Variants in VPS13B observed in about 807,000 individuals in gnomAD.
VPS13B encodes the protein intermembrane lipid transfer protein VPS13B.
Under a neutral mutation model 426.4 loss-of-function variants are expected in VPS13B, and 285 were observed. The observed-to-expected ratio is 0.67, with a 90% CI of 0.61 to 0.74. VPS13B has a LOEUF of 0.74. Ranked by LOEUF, VPS13B falls within the 30% of genes least tolerant of loss-of-function variation. VPS13B has a pLI of 0.00. For missense variants in VPS13B, 4,537 were observed against 4,782.6 expected (o/e 0.95, Z 1.51); for synonymous variants, 1,676 against 1,676.4 (o/e 1.00, Z 0.01).
At chr8:99,131,907 T>C (rs1809823176) in intron 8 of VPS13B, among the ~76,000 whole-genome samples, 2 of 151,924 alleles carry the variant, frequency 1.3e-5, no homozygotes, top group Non-Finnish European at 2.9e-5. Flanking sequence ...AGTAGGACTA[T>C]TTTTTTTGAG....
chr8:99,373,504 G>A (rs1813307354), intron 19 of VPS13B, among the ~76,000 whole-genome samples: 1 of 152,044 alleles, frequency 6.6e-6, no homozygotes, highest in African/African-American at 2.4e-5. Flanking sequence ...CTTCCTGGTG[G>A]ATTCTGTGAC....
chr8:99,155,476 G>C (rs768792906), intron 14 of VPS13B, among the ~76,000 whole-genome samples: 3 of 152,154 alleles, frequency 2.0e-5, no homozygotes, highest in Non-Finnish European at 4.4e-5. Context: ...CAGATGGGTG[G>C]TGGTTACAGA....
At chr8:99,511,823 A>G (rs971891261) in intron 29 of VPS13B, among the ~76,000 whole-genome samples, 2 of 152,168 alleles carry the variant, frequency 1.3e-5, no homozygotes, top group Non-Finnish European at 2.9e-5. Flanking sequence ...TGTTCTGTGT[A>G]TCTAAGAGAA....
rs763259028 is a variant in VPS13B at position 99,096,379 on chromosome 8, T to A, written c.359T>A (p.Ile120Asn). The change falls in exon 4 of 62, where the codon ATC becomes AAC. Residue 120 changes from isoleucine (I) to asparagine (N), a missense_variant. Ile to Asn is a moderately radical substitution (Grantham distance 149). Around this residue, in one of 2 missense-constraint regions of VPS13B, gnomAD observed 226 missense variants for 308.3 expected, o/e 0.73. Coordinates refer to ENST00000357162, the MANE Select transcript of VPS13B (RefSeq NM_152564.5). Reference sequence around the variant, plus strand: ...ACTGCTGAGAGCACAAAATCATCAATCAAACCGCGGAGAATGCAGCAGGCT... The same window carrying A: ...ACTGCTGAGAGCACAAAATCATCAAACAAACCGCGGAGAATGCAGCAGGCT... The part of the protein sequence containing the change: ...RSTAESTKSS[I>N]KPRRMQQAAP... 3 of 1,614,106 alleles carry A rather than the reference T, an allele frequency of 1.9e-6. No individual in the cohort carries two copies. The South Asian group carries it at 3.3e-5, about 18-fold the overall frequency.
chr8:99,556,910 A>G (rs1824607914), intron 31 of VPS13B, among the ~76,000 whole-genome samples: 1 of 152,054 alleles, frequency 6.6e-6, no homozygotes, highest in Non-Finnish European at 1.5e-5. Flanking sequence ...CTATTTATTG[A>G]AAGAATCTAC....
intron 23 of VPS13B, among the ~76,000 whole-genome samples, chr8:99,447,024 G>A (rs141744899): frequency 1.3e-5 from 2 of 152,078 alleles, no homozygotes; most frequent in East Asian, 1.9e-4. Flanking sequence ...ATCTCTTTCT[G>A]CATGAAACTT....
intron 3 of VPS13B, among the ~76,000 whole-genome samples, chr8:99,074,996 C>T (rs1039801459): frequency 5.3e-5 from 8 of 152,070 alleles, no homozygotes; most frequent in Admixed American, 1.3e-4. Context: ...TAATCCTGGC[C>T]TTGTAGAACG....
chr8:99,589,994 A>G (rs1826528832), intron 33 of VPS13B, among the ~76,000 whole-genome samples: 1 of 152,078 alleles, frequency 6.6e-6, no homozygotes, highest in African/African-American at 2.4e-5. Context: ...GTAGGCTATT[A>G]ATTACTGCCT....
chr8:99,507,736 TTTCACC>T (rs764880337), intron 28 of VPS13B: 1 of 1,613,908 alleles, frequency 6.2e-7, no homozygotes, highest in Admixed American at 1.7e-5. Context: ...CTTTTTGTCT[TTTCACC>T]TTCTTTGCTC....
intron 5 of VPS13B, among the ~76,000 whole-genome samples, chr8:99,109,698 T>C (rs528067026): frequency 2.4e-4 from 36 of 152,176 alleles, no homozygotes; most frequent in Non-Finnish European, 4.6e-4. Context: ...TACATTCTTA[T>C]AGCAAAGTAG....
chr8:99,587,273 C>A (rs925454989), intron 33 of VPS13B, among the ~76,000 whole-genome samples: 2 of 152,168 alleles, frequency 1.3e-5, no homozygotes, highest in Admixed American at 6.5e-5. Context: ...AATAGTGCCA[C>A]AATAAACATA....
intron 33 of VPS13B, among the ~76,000 whole-genome samples, chr8:99,626,552 A>T (rs1401351870): frequency 6.6e-6 from 1 of 152,220 alleles, no homozygotes; most frequent in African/African-American, 2.4e-5. Context: ...AACTCTAAAT[A>T]TACAAAAAGC....
At chr8:99,448,462 CT>C (rs1048855954) in intron 23 of VPS13B, among the ~76,000 whole-genome samples, 50 of 152,020 alleles carry the variant, frequency 3.3e-4, no homozygotes, top group African/African-American at 1.1e-3. Context: ...AAATCTATCC[CT>C]TTTTCTGCAT....
chr8:99,661,352 A>G lies in VPS13B; in HGVS notation c.5909-2A>G. ...TTTTTAATTTCAATTTTGTCACTTTAGATCCTGGGAAGACTCTGCCTGAAG... is the reference window on the plus strand; with the variant it reads ...TTTTTAATTTCAATTTTGTCACTTTGGATCCTGGGAAGACTCTGCCTGAAG... On this transcript the variant is annotated splice_acceptor_variant, in intron 34 of 61. Transcript: ENST00000357162. LOFTEE classifies it high-confidence loss of function. 1 of 1,613,608 alleles carries G rather than the reference A, an allele frequency of 6.2e-7. No individual in the cohort carries two copies. Among genetic ancestry groups the G allele is most frequent in the Non-Finnish European group, 8.5e-7 (1 of 1,179,732 alleles).
At chr8:99,850,790 G>T (rs1009241549) in intron 55 of VPS13B, among the ~76,000 whole-genome samples, 3 of 152,082 alleles carry the variant, frequency 2.0e-5, no homozygotes, top group African/African-American at 7.2e-5. Flanking sequence ...GCCAGGCTTG[G>T]TGGTAGGCAC....
At chr8:99,298,162 C>G (rs1309071763) in intron 19 of VPS13B, among the ~76,000 whole-genome samples, 1 of 152,124 alleles carries the variant, frequency 6.6e-6, no homozygotes, top group Non-Finnish European at 1.5e-5. Context: ...TCAGAGAGTT[C>G]CAGTGAGTCT....
rs567643735 is a variant in VPS13B at position 99,602,280 on chromosome 8, T to C, written c.5220+24647T>C. On this transcript the variant is annotated intron_variant, in intron 33 of 61. Coordinates refer to ENST00000357162, the MANE Select transcript of VPS13B (RefSeq NM_152564.5). ...ATCCTTTCTCCATTGCTTGTTTTTG[T>C]CAGGTTTGTCAAAGATCAGATGGTT... 1.2e-4 allele frequency among the ~76,000 whole-genome samples: 19 copies of C among 152,322 alleles called. 2 individuals are homozygous for C. Among genetic ancestry groups the C allele is most frequent in the African/African-American group, 4.6e-4 (19 of 41,566 alleles).
intron 33 of VPS13B, among the ~76,000 whole-genome samples, chr8:99,593,438 C>A (rs77532496): frequency 0.14 from 20,845 of 151,914 alleles, 1,987 homozygotes; most frequent in East Asian, 0.39. Flanking sequence ...TGGAGAAAAA[C>A]GGAATGCTTT....
At chr8:99,611,329 G>A (rs565784142) in intron 33 of VPS13B, among the ~76,000 whole-genome samples, 13 of 152,182 alleles carry the variant, frequency 8.5e-5, no homozygotes, top group African/African-American at 2.6e-4. Context: ...TGCTTTATTT[G>A]TGATATATTT....
Sources: gnomAD v4.1 joint callset for allele counts (sites outside exome capture counted in the v4.1 genomes callset) on GRCh38, gnomAD v4.1.1 for gene constraint, gnomAD v4.1.1 regional missense constraint, MANE v1.5 for transcripts, NCBI Gene and HGNC (gene_info 2026-07-23, HGNC 2026-07-21) for gene names.